CNTN1: variants seen among roughly 807,000 people sequenced by gnomAD.
The protein encoded by CNTN1 is contactin-1.
A neutral mutation model predicts 126.4 loss-of-function variants in CNTN1; 38 were observed. That is an observed-to-expected ratio of 0.30 (90% CI 0.23 to 0.39). The LOEUF (loss-of-function observed/expected upper bound fraction) is 0.39, where lower values mean the gene tolerates loss of function less well. Among genes scored for constraint, CNTN1 ranks in the 10% least tolerant of loss-of-function variants. The probability of loss-of-function intolerance (pLI) is 1.00; values close to 1 mark genes in which losing one functional copy is unlikely to be tolerated. For synonymous variants in CNTN1, 413 were observed against 422.6 expected (o/e 0.98, Z 0.28); for missense variants, 1,009 against 1,248.4 (o/e 0.81, Z 2.89).
intron 1 of CNTN1, among the ~76,000 whole-genome samples, chr12:40,859,483 G>T (rs965083202): frequency 6.6e-6 from 1 of 151,780 alleles, no homozygotes; most frequent in Non-Finnish European, 1.5e-5. Context: ...ACCTAAAACT[G>T]CTCCCAAAAA....
chr12:40,862,292 C>T (rs961281679), intron 1 of CNTN1, among the ~76,000 whole-genome samples: 7 of 152,040 alleles, frequency 4.6e-5, no homozygotes, highest in Non-Finnish European at 8.8e-5. Context: ...TCACTTCTTT[C>T]TGTAGATCCA....
At chr12:40,793,134 G>C (rs550503914) in intron 1 of CNTN1, among the ~76,000 whole-genome samples, 5 of 152,176 alleles carry the variant, frequency 3.3e-5, no homozygotes, top group African/African-American at 4.8e-5. Flanking sequence ...ATCTTTCTGA[G>C]GGCTGCTACC....
chr12:41,015,491 G>A (rs1428327841), intron 18 of CNTN1, among the ~76,000 whole-genome samples: 3 of 152,210 alleles, frequency 2.0e-5, no homozygotes, highest in Middle Eastern at 3.4e-3. Context: ...AAACTAAGTA[G>A]AGAACTATCA....
chr12:41,046,074 T>A (rs2120990396), intron 23 of CNTN1, among the ~76,000 whole-genome samples: 1 of 152,252 alleles, frequency 6.6e-6, no homozygotes, highest in South Asian at 2.1e-4. Flanking sequence ...AGAATTCTGA[T>A]GTGCCTGAAA....
At chr12:40,904,420 C>CT (rs902908083) in intron 1 of CNTN1, among the ~76,000 whole-genome samples, 25 of 140,584 alleles carry the variant, frequency 1.8e-4, no homozygotes, top group Non-Finnish European at 2.6e-4. Flanking sequence ...TTCATTCTTT[C>CT]TTTTTTTTTC....
chr12:40,885,334 T>C (rs1168598775), intron 1 of CNTN1, among the ~76,000 whole-genome samples: 1 of 152,016 alleles, frequency 6.6e-6, no homozygotes, highest in African/African-American at 2.4e-5. Context: ...AAAATGTTAG[T>C]TCTTATAGAA....
At chr12:40,874,829 GCTTA>G (rs1349367584) in intron 1 of CNTN1, among the ~76,000 whole-genome samples, 4 of 152,130 alleles carry the variant, frequency 2.6e-5, no homozygotes, top group African/African-American at 7.2e-5. Context: ...ACTTTCTAAT[GCTTA>G]CTTCTCAGGC....
chr12:41,007,781 A>G (rs1321170369), intron 17 of CNTN1, among the ~76,000 whole-genome samples: 1 of 152,084 alleles, frequency 6.6e-6, no homozygotes, highest in East Asian at 1.9e-4. Context: ...CTCACTGTAC[A>G]CTTGGCCGAC....
At chr12:40,990,771 G>T (rs527640169) in intron 16 of CNTN1, among the ~76,000 whole-genome samples, 11 of 152,228 alleles carry the variant, frequency 7.2e-5, no homozygotes, top group Non-Finnish European at 1.2e-4. Context: ...TGACCTCCCA[G>T]CTTCCTGGAA....
chr12:41,020,585 TAA>T lies in CNTN1; in HGVS notation c.2523+146_2523+147del, dbSNP rs1342044543. 18 of 615,978 alleles carry T rather than the reference TAA, an allele frequency of 2.9e-5. No homozygotes were observed. In the Admixed American group the frequency reaches 5.2e-4, roughly 18 times the overall value. The allele number at this position is 615,978 out of a possible 1,614,324, so 38.2% of individuals were successfully genotyped here. ...CTGTGTCTAGTATTGTGGTCATATATAAGTTAATTGTTAAGAATAAAACAGGG... is the reference window on the plus strand; with the variant it reads ...CTGTGTCTAGTATTGTGGTCATATATGTTAATTGTTAAGAATAAAACAGGG... On this transcript the variant is annotated intron_variant, in intron 20 of 23. Transcript: ENST00000551295.
intron 17 of CNTN1, among the ~76,000 whole-genome samples, chr12:41,012,388 A>T (rs1232859328): frequency 6.6e-6 from 1 of 152,220 alleles, no homozygotes; most frequent in Admixed American, 6.5e-5. Context: ...CTTCCCACAC[A>T]TTGCATACAC....
At chr12:40,806,876 T>C (rs73114715) in intron 1 of CNTN1, among the ~76,000 whole-genome samples, 3,462 of 152,244 alleles carry the variant, frequency 0.023, 128 homozygotes, top group African/African-American at 0.078. Flanking sequence ...CCTTGTAGTC[T>C]GAGCTCTCTG....
In CNTN1 at chr12:41,029,054, C is replaced by T; in HGVS notation, c.2824-9C>T. 6.2e-7 allele frequency: 1 copy of T among 1,613,372 alleles called. No homozygotes were observed. Among genetic ancestry groups the T allele is most frequent in the South Asian group, 1.1e-5 (1 of 91,066 alleles). ...TTTACTGCATATTTACATTTCTGTA[C>T]TTTATAAGGTACTCTACAGACCTGA... On this transcript the variant is annotated splice_polypyrimidine_tract_variant and intron_variant, in intron 22 of 23. Transcript: ENST00000551295.
intron 1 of CNTN1, among the ~76,000 whole-genome samples, chr12:40,707,945 A>G (rs1941812929): frequency 6.6e-6 from 1 of 152,194 alleles, no homozygotes; most frequent in Non-Finnish European, 1.5e-5. Flanking sequence ...TTTTTACATA[A>G]CTGTTATCAA....
At chr12:40,783,267 A>G (rs1373505225) in intron 1 of CNTN1, among the ~76,000 whole-genome samples, 1 of 152,008 alleles carries the variant, frequency 6.6e-6, no homozygotes, top group African/African-American at 2.4e-5. Context: ...ATAGAAGAAC[A>G]TAAAGCTGGC....
At chr12:40,722,229 C>T (rs1403145133) in intron 1 of CNTN1, among the ~76,000 whole-genome samples, 2 of 152,112 alleles carry the variant, frequency 1.3e-5, no homozygotes, top group African/African-American at 2.4e-5. Flanking sequence ...TGATCTTGAC[C>T]TGAACTCACT....
chr12:40,860,341 C>T (rs1592169780), intron 1 of CNTN1, among the ~76,000 whole-genome samples: 1 of 152,244 alleles, frequency 6.6e-6, no homozygotes, highest in East Asian at 1.9e-4. Context: ...TTTAATAACA[C>T]TTATCCAGTT....
intron 1 of CNTN1, among the ~76,000 whole-genome samples, chr12:40,715,758 C>G (rs1288304774): frequency 6.6e-6 from 1 of 152,146 alleles, no homozygotes. Flanking sequence ...CTAGTAAATG[C>G]ACCCTTGAGA....
At chr12:40,854,612 A>T (rs559697069) in intron 1 of CNTN1, among the ~76,000 whole-genome samples, 2 of 152,156 alleles carry the variant, frequency 1.3e-5, no homozygotes, top group Non-Finnish European at 2.9e-5. Flanking sequence ...GGATTTAAGG[A>T]GCCAAAGGCA....
Sources: allele counts gnomAD v4.1 joint callset (sites outside exome capture counted in the v4.1 genomes callset), GRCh38; gene constraint gnomAD v4.1.1; transcripts MANE v1.5; gene names NCBI Gene and HGNC (gene_info 2026-07-23, HGNC 2026-07-21).